The following BCAR1 variants were observed in gnomAD, a reference collection of about 807,000 sequenced individuals.
The protein encoded by BCAR1 is BCAR1 scaffold protein, Cas family member, also known as breast cancer anti-estrogen resistance protein 1.
Under a neutral mutation model 67.6 loss-of-function variants are expected in BCAR1, and 30 were observed. That is an observed-to-expected ratio of 0.44 (90% CI 0.33 to 0.60). The LOEUF is 0.60. Among genes scored for constraint, BCAR1 ranks in the 20% least tolerant of loss-of-function variants. BCAR1 has a pLI of 0.02. For missense variants in BCAR1, 1,313 were observed against 1,222.3 expected, an observed-to-expected ratio of 1.07 and a Z score of -1.11; for synonymous variants, 626 against 556.7, an observed-to-expected ratio of 1.12 and a Z score of -1.75.
intron 2 of BCAR1, chr16:75,238,436 A>T: frequency 9.7e-7 from 1 of 1,026,418 alleles, no homozygotes; most frequent in Non-Finnish European, 1.2e-6. Context: ...GCAGCGCCAA[A>T]GCAGCCCCTC....
At chr16:75,230,597 C>T (rs1192905037) in intron 6 of BCAR1, among the ~76,000 whole-genome samples, 2 of 152,220 alleles carry the variant, frequency 1.3e-5, no homozygotes, top group African/African-American at 2.4e-5. Flanking sequence ...GAACCACACA[C>T]GAAAGTTAAC....
chr16:75,241,726 G>A (rs1489801617), intron 2 of BCAR1, among the ~76,000 whole-genome samples: 1 of 152,162 alleles, frequency 6.6e-6, no homozygotes, highest in South Asian at 2.1e-4. Context: ...CAGCTGACTC[G>A]CTGCCCAGCT....
At position 75,251,499 on chromosome 16, in the gene BCAR1, G is replaced by C. The variant is rs567847425; in HGVS notation, c.-17C>G. 5.6e-3 allele frequency: 7,560 copies of C among 1,361,222 alleles called. 30 individuals carry two copies. Among genetic ancestry groups the C allele is most frequent in the Non-Finnish European group, 6.4e-3 (6,725 of 1,053,344 alleles). The allele number at this position is 1,361,222 out of a possible 1,614,324, so 84.3% of individuals were successfully genotyped here. ...GTGGTTCATGGTGTCCGGCGGGCCT[G>C]GGGCCCCGGCTCTCGCGGGGGCGCA... On this transcript the variant is annotated 5_prime_UTR_variant, in exon 1 of 7. Coordinates refer to ENST00000162330, the MANE Select transcript of BCAR1 (RefSeq NM_014567.5).
At chr16:75,261,205 G>A (rs1250691526) in intron 1 of BCAR1, among the ~76,000 whole-genome samples, 1 of 152,234 alleles carries the variant, frequency 6.6e-6, no homozygotes, top group Non-Finnish European at 1.5e-5. Flanking sequence ...AGGACTGAGA[G>A]TGAGCCATAG....
intron 1 of BCAR1, among the ~76,000 whole-genome samples, chr16:75,245,220 C>G (rs772511883): frequency 6.6e-6 from 1 of 152,214 alleles, no homozygotes; most frequent in Admixed American, 6.5e-5. Flanking sequence ...CACAGCCCAT[C>G]GGGGGCGGGC....
At chr16:75,250,536 G>T in intron 1 of BCAR1, 1 of 695,830 alleles carries the variant, frequency 1.4e-6, no homozygotes, top group Non-Finnish European at 1.8e-6. Flanking sequence ...GGACTCTCAG[G>T]AGGGAACGGG....
At chr16:75,234,816 G>C in intron 5 of BCAR1, 73 bp downstream of exon 5, 1 of 1,504,860 alleles carries the variant, frequency 6.6e-7, no homozygotes, top group Non-Finnish European at 8.9e-7. Context: ...CCCCAGCTGA[G>C]AACAAATCTC....
rs770307875 is a variant in BCAR1, at chr16:75,234,978, G to T, written c.1921C>A (p.Pro641Thr). 6 of 1,605,176 alleles carry T rather than the reference G, an allele frequency of 3.7e-6. No individual in the cohort carries two copies. Among genetic ancestry groups the T allele is most frequent in the South Asian group, 1.1e-5 (1 of 90,664 alleles). ...GGCGAGTCCTGGGAGGTGAACTTAG[G>T]GGGTGAGGGCAGGGGTCGTGACTGG... ...SIQSRPLPSP[P>T]KFTSQDSPDG... Residue 641 changes from proline (P) to threonine (T), a missense_variant, in exon 5 of 7, where the codon CCT (proline) becomes ACT (threonine). Pro to Thr is a conservative substitution (Grantham distance 38, BLOSUM62 -1). Transcript: ENST00000162330.
At chr16:75,237,539 C>T (rs530009901) in intron 2 of BCAR1, 195 bp from the exon 3 acceptor site, 18 of 615,408 alleles carry the variant, frequency 2.9e-5, no homozygotes, top group African/African-American at 1.9e-4. Flanking sequence ...GTGCCAGGTA[C>T]GGCAAGAACT....
At chr16:75,253,422 G>T (rs1010310040), upstream of BCAR1, among the ~76,000 whole-genome samples, 1 of 152,174 alleles carries the variant, frequency 6.6e-6, no homozygotes, top group Non-Finnish European at 1.5e-5. Context: ...GACACAAAAG[G>T]CCTGGCCCTC....
chr16:75,255,706 A>G (rs2077759014), upstream of BCAR1, among the ~76,000 whole-genome samples: 1 of 150,504 alleles, frequency 6.6e-6, no homozygotes, highest in African/African-American at 2.5e-5. Flanking sequence ...AAAAAACAAA[A>G]AACAGCTGGG....
rs779580440 is a variant in BCAR1, at chr16:75,230,041, C to T, written c.2101-18G>A. ...TGCTTCAGCTGGGGCAGGAGGGAAG[C>T]AGGAGCAGGGTTAGGCTCTCGGGTG... On this transcript the variant is annotated intron_variant, in intron 6 of 6. Coordinates refer to ENST00000162330, the MANE Select transcript of BCAR1 (RefSeq NM_014567.5). 6.6e-7 allele frequency: 1 copy of T among 1,523,070 alleles called. No individual in the cohort carries two copies. Among genetic ancestry groups the T allele is most frequent in the African/African-American group, 1.4e-5 (1 of 72,280 alleles). 94.3% of individuals were successfully genotyped at this position (1,523,070 alleles called of 1,614,324 possible).
intron 1 of BCAR1, among the ~76,000 whole-genome samples, chr16:75,265,368 C>A (rs1239289574): frequency 2.0e-5 from 3 of 152,064 alleles, no homozygotes; most frequent in Non-Finnish European, 4.4e-5. Context: ...CGAGGGAGGT[C>A]TTGCGGGACA....
At chr16:75,265,873 G>T (rs2077999211) in intron 1 of BCAR1, 2 of 1,157,020 alleles carry the variant, frequency 1.7e-6, no homozygotes, top group African/African-American at 3.3e-5. Context: ...GGGCAGCGGC[G>T]CCAGCGGGCT....
At chr16:75,245,107 G>A (rs1443657351) in intron 1 of BCAR1, among the ~76,000 whole-genome samples, 1 of 152,256 alleles carries the variant, frequency 6.6e-6, no homozygotes, top group Non-Finnish European at 1.5e-5. Context: ...AGGAGCGGGA[G>A]GGCGGGGGCT....
At chr16:75,251,884 C>A (rs2077690747), upstream of BCAR1, 2 of 338,848 alleles carry the variant, frequency 5.9e-6, no homozygotes, top group Non-Finnish European at 1.1e-5. Flanking sequence ...AATGCACGTC[C>A]CCGCCTTCCA....
intron 1 of BCAR1, chr16:75,248,040 T>C (rs2077571639): frequency 6.8e-7 from 1 of 1,462,288 alleles, no homozygotes; most frequent in Non-Finnish European, 9.5e-7. Flanking sequence ...AACAACCCCA[T>C]AAGACACGAT....
intron 2 of BCAR1, chr16:75,238,077 C>A: frequency 7.8e-7 from 1 of 1,289,030 alleles, no homozygotes; most frequent in Non-Finnish European, 1.0e-6. Flanking sequence ...CCTCCCCTCC[C>A]CAGGTGCTCT....
chr16:75,245,779 C>G (rs894671636), intron 1 of BCAR1, among the ~76,000 whole-genome samples: 1 of 151,890 alleles, frequency 6.6e-6, no homozygotes, highest in Admixed American at 6.6e-5. Flanking sequence ...CTCCAGCTGG[C>G]CAGGGCCCCC....
Sources: gnomAD v4.1 joint callset for allele counts (sites outside exome capture counted in the v4.1 genomes callset) on GRCh38, gnomAD v4.1.1 for gene constraint, MANE v1.5 for transcripts, NCBI Gene and HGNC (gene_info 2026-07-23, HGNC 2026-07-21) for gene names.